The following FREM1 variants were observed in gnomAD, a reference collection of about 807,000 sequenced individuals.
The protein encoded by FREM1 is FRAS1-related extracellular matrix protein 1.
A neutral mutation model predicts 210.1 loss-of-function variants in FREM1; 220 were observed. The observed-to-expected ratio is 1.05, with a 90% CI of 0.94 to 1.17. FREM1 has a LOEUF of 1.17. Among genes scored for constraint, FREM1 ranks in the 50% most tolerant of loss-of-function variants. The pLI, the probability that FREM1 is intolerant of heterozygous loss-of-function variation, is 0.00. For missense variants in FREM1, 3,454 were observed against 2,675.5 expected, an observed-to-expected ratio of 1.29 and a Z score of -6.42; for synonymous variants, 1,189 against 980.2, an observed-to-expected ratio of 1.21 and a Z score of -3.98.
At chr9:14,770,564 T>C in intron 26 of FREM1, 41 bp downstream of exon 26, 1 of 1,466,326 alleles carries the variant, frequency 6.8e-7, no homozygotes, top group Non-Finnish European at 9.5e-7. Flanking sequence ...AGCCACTGGG[T>C]ATTTTAAAAT....
chr9:14,888,852 C>CT (rs1179048955), intron 1 of FREM1, among the ~76,000 whole-genome samples: 2 of 152,074 alleles, frequency 1.3e-5, no homozygotes, highest in South Asian at 2.1e-4. Flanking sequence ...CTGAAAATAA[C>CT]TTTTTTTAAA....
At chr9:14,832,893 T>C (rs2131005010) in intron 10 of FREM1, among the ~76,000 whole-genome samples, 1 of 152,292 alleles carries the variant, frequency 6.6e-6, no homozygotes, top group Admixed American at 6.5e-5. Context: ...TCTGTATGGA[T>C]CTACCGAAGA....
chr9:14,896,343 A>T (rs1837713379), intron 1 of FREM1, among the ~76,000 whole-genome samples: 1 of 152,156 alleles, frequency 6.6e-6, no homozygotes, highest in Non-Finnish European at 1.5e-5. Flanking sequence ...CAGGAGTTCG[A>T]GACCAGCCTG....
At chr9:14,839,350 G>T (rs1588286076) in intron 10 of FREM1, among the ~76,000 whole-genome samples, 1 of 152,264 alleles carries the variant, frequency 6.6e-6, no homozygotes, top group East Asian at 1.9e-4. Flanking sequence ...ATGTATTTTG[G>T]TCATAAGTTT....
intron 1 of FREM1, among the ~76,000 whole-genome samples, chr9:14,902,968 G>C (rs1839045777): frequency 6.6e-6 from 1 of 152,204 alleles, no homozygotes; most frequent in Admixed American, 6.5e-5. Context: ...ATAAATTGCA[G>C]TGTTAAACTC....
At chr9:14,859,551 A>C in intron 3 of FREM1, 67 bp from the exon 4 acceptor site, 2 of 1,354,576 alleles carry the variant, frequency 1.5e-6, no homozygotes, top group Non-Finnish European at 2.0e-6. Flanking sequence ...CCATGTACTC[A>C]GCTGGAAGAC....
chr9:14,741,144 A>G (rs1330494138), intron 35 of FREM1, among the ~76,000 whole-genome samples: 1 of 152,198 alleles, frequency 6.6e-6, no homozygotes, highest in Admixed American at 6.5e-5. Context: ...TCAAACAAGG[A>G]AAAAAATTAA....
chr9:14,880,533 G>C (rs1253474416), intron 1 of FREM1, among the ~76,000 whole-genome samples: 1 of 150,946 alleles, frequency 6.6e-6, no homozygotes. Context: ...GAACCCGGGA[G>C]GCAAAGGGTG....
At position 14,775,875 on chromosome 9, in the gene FREM1, AG is replaced by A. The variant is rs1306598083; in HGVS notation, c.4770del (p.Phe1591LeufsTer15). The A allele has an allele frequency of 3.1e-6, 5 of 1,613,910 alleles. No individual in the cohort carries two copies. Among genetic ancestry groups the A allele is most frequent in the Non-Finnish European group, 4.2e-6 (5 of 1,179,786 alleles). ...GTCCCATCTGTGGCCATGAAAGTAA[AG>A]CAGTCAGTCTGGGAGTCCCCTCCTG... ...RHSGGDSQTDCFTFMATDGTN... is the reference protein window; with the variant it reads ...RHSGGDSQTDXFTFMATDGTN... On this transcript the variant is annotated frameshift_variant, in exon 25 of 37. Coordinates refer to ENST00000380880, the MANE Select transcript of FREM1 (RefSeq NM_001379081.2). LOFTEE classifies it high-confidence loss of function.
At chr9:14,767,845 AC>A (rs1184483046) in intron 27 of FREM1, among the ~76,000 whole-genome samples, 1 of 152,146 alleles carries the variant, frequency 6.6e-6, no homozygotes, top group Non-Finnish European at 1.5e-5. Flanking sequence ...TCTCTATATT[AC>A]CCCTTGGTAG....
chr9:14,887,290 AAAGTAAACATTCG>A (rs148606318), intron 1 of FREM1, among the ~76,000 whole-genome samples: 12,676 of 152,232 alleles, frequency 0.083, 697 homozygotes, highest in African/African-American at 0.15. Context: ...TAGGCAATAA[AAAGTAAACATTCG>A]AAGTGACTTG....
chr9:14,806,216 G>C (rs971313320), intron 18 of FREM1, among the ~76,000 whole-genome samples: 17 of 150,492 alleles, frequency 1.1e-4, no homozygotes, highest in African/African-American at 3.2e-4. Flanking sequence ...AGCTATAATA[G>C]TAATAATAAT....
intron 1 of FREM1, among the ~76,000 whole-genome samples, chr9:14,904,643 G>C (rs190767015): frequency 6.6e-6 from 1 of 152,286 alleles, no homozygotes; most frequent in Admixed American, 6.5e-5. Context: ...TTTCAGAAAG[G>C]ACTTTCCCTC....
chr9:14,835,095 T>A (rs1824301170), intron 10 of FREM1, among the ~76,000 whole-genome samples: 1 of 152,248 alleles, frequency 6.6e-6, no homozygotes, highest in Admixed American at 6.5e-5. Flanking sequence ...AACTGACATG[T>A]TCACAAATAT....
Position 14,756,449 on chromosome 9 carries a change from T to C in FREM1, c.5335-3A>G, listed in dbSNP as rs1844382463. 2 of 1,583,960 alleles carry C rather than the reference T, an allele frequency of 1.3e-6. No individual in the cohort carries two copies. The highest frequency in any genetic ancestry group is 2.7e-5 in the African/African-American group (2 of 73,550). On this transcript the variant is annotated splice_polypyrimidine_tract_variant and splice_region_variant and intron_variant, in intron 28 of 36. Coordinates refer to ENST00000380880, the MANE Select transcript of FREM1 (RefSeq NM_001379081.2). ...ACTGCAGCTGACACTTGGTTGACCT[T>C]AGGAGGGAAAAAAAAATCTTTTTAA...
intron 26 of FREM1, 103 bp downstream of exon 26, chr9:14,770,502 G>T: frequency 1.3e-6 from 1 of 785,514 alleles, no homozygotes; most frequent in Non-Finnish European, 2.2e-6. Flanking sequence ...AAGCCCTGGG[G>T]AGTGTTTACC....
Position 14,845,577 on chromosome 9 carries a change from T to C in FREM1, c.1393+383A>G, listed in dbSNP as rs531400870. Among the ~76,000 whole-genome samples, 78 of 152,342 alleles carry C rather than the reference T, an allele frequency of 5.1e-4. 2 individuals are homozygous for C. In the Middle Eastern group the frequency reaches 0.031, roughly 60 times the overall value. On this transcript the variant is annotated intron_variant, in intron 8 of 36. Transcript: ENST00000380880. ...ACCTTGGCCTCCCAAAATGTTGGGATTACAGGCGTGAGCCACTGCGCTCGG... is the reference window on the plus strand; with the variant it reads ...ACCTTGGCCTCCCAAAATGTTGGGACTACAGGCGTGAGCCACTGCGCTCGG...
chr9:14,805,064 G>C lies in FREM1; in HGVS notation c.3363C>G (p.Phe1121Leu), dbSNP rs917238790. 7.4e-6 allele frequency: 12 copies of C among 1,612,770 alleles called. No homozygotes were observed. The highest frequency in any genetic ancestry group is 2.2e-5 in the South Asian group (2 of 91,028). ...HLRIEPTADQ[F>L]TVYVTDGKHH... is the part of the protein sequence containing the mutation. Reference sequence around the variant, plus strand: ...GCTTCCCATCTGTGACGTACACCGTGAACTGGTCGGCAGTTGGTTCTATCC... The same window carrying C: ...GCTTCCCATCTGTGACGTACACCGTCAACTGGTCGGCAGTTGGTTCTATCC... The change falls in exon 19 of 37, where the codon TTC becomes TTG. Residue 1121 changes from phenylalanine to leucine, a missense_variant. Coordinates refer to ENST00000380880, the MANE Select transcript of FREM1 (RefSeq NM_001379081.2).
intron 16 of FREM1, among the ~76,000 whole-genome samples, chr9:14,811,517 G>C (rs1819404630): frequency 6.6e-6 from 1 of 152,082 alleles, no homozygotes; most frequent in South Asian, 2.1e-4. Flanking sequence ...GAACTCCTGA[G>C]GGACATCAAA....
Sources: allele counts gnomAD v4.1 joint callset (sites outside exome capture counted in the v4.1 genomes callset), GRCh38; gene constraint gnomAD v4.1.1; transcripts MANE v1.5; gene names NCBI Gene and HGNC (gene_info 2026-07-23, HGNC 2026-07-21).